Variants in CROCC observed in about 807,000 individuals in gnomAD.
CROCC encodes rootletin.
In CROCC, 180 loss-of-function variants were observed where a neutral mutation model predicts 245.2. The observed-to-expected ratio is 0.73, with a 90% CI of 0.65 to 0.83. CROCC has a LOEUF of 0.83. Ranked by LOEUF, CROCC falls within the 40% of genes least tolerant of loss-of-function variation. The probability of loss-of-function intolerance (pLI) is 0.00; values close to 1 mark genes in which losing one functional copy is unlikely to be tolerated. For missense variants in CROCC, 2,688 were observed against 2,779.4 expected (o/e 0.97, Z 0.74); for synonymous variants, 1,205 against 1,241.6 (o/e 0.97, Z 0.62).
chr1:16,942,443 C>T (rs1193004370), intron 13 of CROCC, among the ~76,000 whole-genome samples: 1 of 152,294 alleles, frequency 6.6e-6, no homozygotes, highest in African/African-American at 2.4e-5. Flanking sequence ...CGCCTTCTCA[C>T]AGCCTCATCT....
At chr1:16,952,440 T>A (rs1883910) in intron 20 of CROCC, among the ~76,000 whole-genome samples, 36 of 150,510 alleles carry the variant, frequency 2.4e-4, no homozygotes, top group African/African-American at 7.8e-4. Context: ...AGCCAAAATC[T>A]CGCCACTGCA....
In CROCC at chr1:16,964,142, T is replaced by A. The variant is rs547668781; in HGVS notation, c.4406-1581T>A. On this transcript the variant is annotated intron_variant, in intron 27 of 36. Coordinates refer to ENST00000375541, the MANE Select transcript of CROCC (RefSeq NM_014675.5). ...TTTTCTTTTCTTTTTTCTTTATTTT[T>A]TTTTTTTTTTGAGACAGAGTCTCTC... Among the ~76,000 whole-genome samples, 7 of 150,330 alleles carry A rather than the reference T, an allele frequency of 4.7e-5. No homozygotes were observed. The East Asian group carries it at 7.8e-4, about 17-fold the overall frequency.
intron 35 of CROCC, among the ~76,000 whole-genome samples, chr1:16,971,138 A>G (rs1041461732): frequency 1.3e-5 from 2 of 152,128 alleles, no homozygotes; most frequent in Admixed American, 6.5e-5. Flanking sequence ...GCCTTTGCAC[A>G]TACACATGCA....
At position 16,934,308 on chromosome 1, in the gene CROCC, AT is replaced by A. The variant is rs60973533; in HGVS notation, c.957-2318del. ...AACCTGTATTATGGACTGAAAATAC[AT>A]TTTTTTTTTTGAGACAGTCTCTCTC... On this transcript the variant is annotated intron_variant, in intron 8 of 36. Transcript: ENST00000375541. Among the ~76,000 whole-genome samples, 721 of 150,360 alleles carry A rather than the reference AT, an allele frequency of 4.8e-3. 3 individuals are homozygous for A. Among genetic ancestry groups the A allele is most frequent in the African/African-American group, 0.016 (661 of 40,984 alleles).
At position 16,930,541 on chromosome 1, in the gene CROCC, C is replaced by T. The variant is rs149720312; in HGVS notation, c.796C>T (p.Arg266Cys). 114 of 1,612,306 alleles carry T rather than the reference C, an allele frequency of 7.1e-5. No homozygotes were observed. Among genetic ancestry groups the T allele is most frequent in the East Asian group, 1.6e-4 (7 of 44,892 alleles). Residue 266 changes from arginine (R) to cysteine (C), a missense_variant, in exon 7 of 37, where the codon CGC (arginine) becomes TGC (cysteine). Transcript: ENST00000375541. ...DIRKVTNDWTRCRKELEHREA... is the reference protein window; with the variant it reads ...DIRKVTNDWTCCRKELEHREA... ...ACGAAAGGTGACCAATGACTGGACA[C>T]GCTGCCGCAAGGAGCTGGAGCACCG... is the stretch of plus-strand genomic sequence containing the variant.
intron 17 of CROCC, among the ~76,000 whole-genome samples, chr1:16,947,613 A>G (rs1308649763): frequency 6.6e-6 from 1 of 152,236 alleles, no homozygotes; most frequent in Non-Finnish European, 1.5e-5. Context: ...CCTTCATGCA[A>G]GGTCTATCCT....
In CROCC at chr1:16,961,272, T is replaced by C. The variant is rs1475115594; in HGVS notation, c.4405+142T>C. Reference sequence around the variant, plus strand: ...ACACCTCTCCACTGAGGTCCACTTCTTAGCCCCGTCCCCTCACCGAGACCC... The same window carrying C: ...ACACCTCTCCACTGAGGTCCACTTCCTAGCCCCGTCCCCTCACCGAGACCC... On this transcript the variant is annotated intron_variant, in intron 27 of 36. Coordinates refer to ENST00000375541, the MANE Select transcript of CROCC (RefSeq NM_014675.5). 4.6e-6 allele frequency: 4 copies of C among 863,886 alleles called. No homozygotes were observed. The African/African-American group carries it at 7.1e-5, about 15-fold the overall frequency. The allele number at this position is 863,886 out of a possible 1,614,324, so 53.5% of individuals were successfully genotyped here. A position where few individuals can be genotyped will look rare whatever the true frequency, so the allele number is the denominator to read the frequency against.
chr1:16,930,621 G>C (rs765246937), intron 7 of CROCC, 27 bp downstream of exon 7: 17 of 1,590,350 alleles, frequency 1.1e-5, no homozygotes, highest in Admixed American at 7.1e-5. Context: ...AGGGAGGCCA[G>C]CCTGACCCAA....
chr1:16,968,159 G>A lies in CROCC; in HGVS notation c.4861-44G>A, dbSNP rs74495844. On this transcript the variant is annotated intron_variant, in intron 30 of 36. Transcript: ENST00000375541. Reference sequence around the variant, plus strand: ...CCCAGGGCGTGTGCGGGAGGGCTGCGGGGTGCACTGGACGTCTGGGCCTGA... The same window carrying A: ...CCCAGGGCGTGTGCGGGAGGGCTGCAGGGTGCACTGGACGTCTGGGCCTGA... 2,456 of 1,533,306 alleles carry A rather than the reference G, an allele frequency of 1.6e-3. 32 individuals carry two copies. In the African/African-American group the frequency reaches 0.026, roughly 16 times the overall value. The allele number at this position is 1,533,306 out of a possible 1,614,324, so 95.0% of individuals were successfully genotyped here. A position where few individuals can be genotyped will look rare whatever the true frequency, so the allele number is the denominator to read the frequency against.
At chr1:16,937,780 G>C (rs2075825356) in intron 10 of CROCC, 43 bp downstream of exon 10, 1 of 1,521,490 alleles carries the variant, frequency 6.6e-7, no homozygotes, top group African/African-American at 1.4e-5. Flanking sequence ...GTGAGATGGG[G>C]TACCGGCCAG....
chr1:16,927,695 A>G (rs1238462477), intron 3 of CROCC, among the ~76,000 whole-genome samples: 1 of 152,264 alleles, frequency 6.6e-6, no homozygotes, highest in African/African-American at 2.4e-5. Context: ...AGCCACCAAC[A>G]TCAGTGCACA....
At chr1:16,914,571 G>A (rs2075283914) in intron 1 of CROCC, among the ~76,000 whole-genome samples, 1 of 152,284 alleles carries the variant, frequency 6.6e-6, no homozygotes, top group African/African-American at 2.4e-5. Context: ...CTGCCGAGTC[G>A]GAAGCATCTC....
chr1:16,955,963 A>T, intron 24 of CROCC, 34 bp from the exon 25 acceptor site: 2 of 1,548,468 alleles, frequency 1.3e-6, no homozygotes, highest in Non-Finnish European at 8.7e-7. Flanking sequence ...TACTCCCAGG[A>T]CCCAGGGCAG....
intron 1 of CROCC, among the ~76,000 whole-genome samples, chr1:16,916,594 C>T (rs1435185557): frequency 1.3e-5 from 2 of 152,286 alleles, no homozygotes; most frequent in Non-Finnish European, 2.9e-5. Context: ...GCAGCCTCAA[C>T]CTTCCAGGCT....
chr1:16,970,966 C>T, intron 35 of CROCC, 199 bp downstream of exon 35: 1 of 535,080 alleles, frequency 1.9e-6, no homozygotes, highest in Non-Finnish European at 3.1e-6. Flanking sequence ...GGCCTGTTTG[C>T]ACGTGAGCCT....
intron 9 of CROCC, among the ~76,000 whole-genome samples, chr1:16,937,365 A>AC (rs1215759485): frequency 7.6e-6 from 1 of 131,292 alleles, no homozygotes; most frequent in East Asian, 2.2e-4. Flanking sequence ...AAAAAAAAAA[A>AC]CAAAAAAAAA....
Position 16,930,594 on chromosome 1 carries a change from G to A in CROCC, c.849G>A (p.Glu283=), listed in dbSNP as rs1557586517. ...AGGCGGCGTGGAGGCGCGAGGAGGAGGTGGGCATGGGGGTGCAGGGAGGCC... is the reference window on the plus strand; with the variant it reads ...AGGCGGCGTGGAGGCGCGAGGAGGAAGTGGGCATGGGGGTGCAGGGAGGCC... ...HREAAWRREE[E]SFNAYFSNEH... is the part of the protein sequence containing the mutation. Residue 283 remains glutamate (E), a splice_region_variant and synonymous_variant, in exon 7 of 37, where the codon GAG becomes GAA. Transcript: ENST00000375541. 1 of 1,607,016 alleles carries A rather than the reference G, an allele frequency of 6.2e-7. No individual in the cohort carries two copies. The highest frequency in any genetic ancestry group is 2.2e-5 in the East Asian group (1 of 44,778).
intron 25 of CROCC, among the ~76,000 whole-genome samples, chr1:16,956,625 A>C (rs941078012): frequency 1.3e-5 from 2 of 152,106 alleles, no homozygotes; most frequent in Non-Finnish European, 2.9e-5. Flanking sequence ...TTCCAGTAAA[A>C]CTTTGTTTAG....
intron 13 of CROCC, among the ~76,000 whole-genome samples, chr1:16,942,662 G>A (rs182741064): frequency 5.2e-5 from 8 of 152,402 alleles, no homozygotes; most frequent in East Asian, 1.9e-4. Context: ...CTCATACAGC[G>A]TGTGTGGCTG....
Sources: gnomAD v4.1 joint callset for allele counts (sites outside exome capture counted in the v4.1 genomes callset) on GRCh38, gnomAD v4.1.1 for gene constraint, MANE v1.5 for transcripts, NCBI Gene and HGNC (gene_info 2026-07-23, HGNC 2026-07-21) for gene names.